Variants in FAT3 observed in about 807,000 individuals in gnomAD.
The protein encoded by FAT3 is FAT atypical cadherin 3.
In FAT3, 95 loss-of-function variants were observed where a neutral mutation model predicts 310.2. That is an observed-to-expected ratio of 0.31 (90% CI 0.26 to 0.36). The LOEUF is 0.36. FAT3 is among the 10% of genes least tolerant of loss of function. The pLI, the probability that FAT3 is intolerant of heterozygous loss-of-function variation, is 1.00. For synonymous variants in FAT3, 2,314 were observed against 2,192.9 expected (o/e 1.06, Z -1.54); for missense variants, 5,408 against 5,715.6 (o/e 0.95, Z 1.74).
At chr11:92,442,772 A>G (rs1951105411) in intron 2 of FAT3, among the ~76,000 whole-genome samples, 1 of 152,120 alleles carries the variant, frequency 6.6e-6, no homozygotes, top group Non-Finnish European at 1.5e-5. Context: ...GACATTGTCT[A>G]TGTCTTGTGT....
intron 3 of FAT3, among the ~76,000 whole-genome samples, chr11:92,572,019 C>T (rs1938184660): frequency 6.6e-6 from 1 of 152,186 alleles, no homozygotes; most frequent in African/African-American, 2.4e-5. Flanking sequence ...TCTTACAGCC[C>T]TGACAGGTGC....
chr11:92,749,497 G>A (rs1486261444), intron 4 of FAT3, among the ~76,000 whole-genome samples: 2 of 152,204 alleles, frequency 1.3e-5, no homozygotes. Context: ...TGGATTGAAC[G>A]AGAATGATAC....
intron 10 of FAT3, 45 bp downstream of exon 10, chr11:92,801,954 A>G: frequency 6.5e-7 from 1 of 1,539,608 alleles, no homozygotes; most frequent in Non-Finnish European, 8.9e-7. Context: ...TGCTTTATAA[A>G]GAAAGATGGA....
At chr11:92,857,803 A>G (rs1353018902) in intron 20 of FAT3, among the ~76,000 whole-genome samples, 1 of 152,148 alleles carries the variant, frequency 6.6e-6, no homozygotes, top group Non-Finnish European at 1.5e-5. Flanking sequence ...CTGGTGAACC[A>G]AGTAAGCAGA....
At chr11:92,359,371 G>A (rs1262690745) in intron 2 of FAT3, among the ~76,000 whole-genome samples, 1 of 152,092 alleles carries the variant, frequency 6.6e-6, no homozygotes, top group Non-Finnish European at 1.5e-5. Context: ...CCTTCCGAAT[G>A]GATAAAAATC....
intron 13 of FAT3, among the ~76,000 whole-genome samples, chr11:92,828,606 A>T (rs1057452900): frequency 6.6e-6 from 1 of 151,432 alleles, no homozygotes; most frequent in Non-Finnish European, 1.5e-5. Flanking sequence ...AGGTGGGGGG[A>T]GTGTGGGTCA....
At chr11:92,576,106 A>G (rs930609042) in intron 3 of FAT3, among the ~76,000 whole-genome samples, 13 of 152,144 alleles carry the variant, frequency 8.5e-5, no homozygotes, top group Non-Finnish European at 1.6e-4. Flanking sequence ...TGGATTCTGA[A>G]ACAGATGCAC....
chr11:92,321,793 C>T (rs141634630), intron 1 of FAT3, among the ~76,000 whole-genome samples: 119 of 152,262 alleles, frequency 7.8e-4, no homozygotes, highest in Non-Finnish European at 1.6e-3. Context: ...CTATTAGTGT[C>T]AGATTAAATC....
chr11:92,853,165 C>T (rs1182096293), intron 19 of FAT3, among the ~76,000 whole-genome samples: 10 of 152,230 alleles, frequency 6.6e-5, no homozygotes, highest in Non-Finnish European at 1.5e-4. Flanking sequence ...CACAGCCAGG[C>T]ATGCTGGCAC....
intron 2 of FAT3, among the ~76,000 whole-genome samples, chr11:92,456,113 C>T (rs1951487047): frequency 6.6e-6 from 1 of 152,166 alleles, no homozygotes; most frequent in Non-Finnish European, 1.5e-5. Context: ...GGCTTTACTA[C>T]TTCTTAGCAG....
chr11:92,661,732 A>T (rs1306991061), intron 3 of FAT3, among the ~76,000 whole-genome samples: 1 of 152,116 alleles, frequency 6.6e-6, no homozygotes, highest in Non-Finnish European at 1.5e-5. Context: ...TGCAAAGAGG[A>T]ATGTTTCAGA....
chr11:92,232,798 G>T (rs1293495763), intron 1 of FAT3, among the ~76,000 whole-genome samples: 1 of 151,938 alleles, frequency 6.6e-6, no homozygotes, highest in African/African-American at 2.4e-5. Context: ...AACAACAATT[G>T]GGAGGTAGAA....
In FAT3 at chr11:92,799,262, C is replaced by T. The variant is rs771364636; in HGVS notation, c.6249C>T (p.Val2083=). ...NIEDINDNSP[V]FVGLPYYAAV... ...AAGACATAAATGACAATTCTCCAGT[C>T]TTTGTGGGCCTCCCATACTATGCTG... Residue 2083 remains valine (V), a synonymous_variant, in exon 10 of 28, where the codon GTC becomes GTT. Transcript: ENST00000525166. 5.6e-6 allele frequency: 9 copies of T among 1,613,762 alleles called. No individual in the cohort carries two copies. Among genetic ancestry groups the T allele is most frequent in the Non-Finnish European group, 7.6e-6 (9 of 1,179,870 alleles).
intron 4 of FAT3, among the ~76,000 whole-genome samples, chr11:92,733,162 G>C (rs183078753): frequency 2.0e-5 from 3 of 152,156 alleles, no homozygotes; most frequent in Non-Finnish European, 4.4e-5. Context: ...AGAAGGCTAC[G>C]TATGCCTTGT....
chr11:92,672,578 AAT>A (rs1170226996), intron 3 of FAT3, among the ~76,000 whole-genome samples: 2 of 152,208 alleles, frequency 1.3e-5, no homozygotes, highest in Non-Finnish European at 2.9e-5. Flanking sequence ...TTGCCAAAAA[AAT>A]ATATCAGTCA....
chr11:92,868,001 C>T (rs1017280166), intron 22 of FAT3, among the ~76,000 whole-genome samples: 1 of 152,016 alleles, frequency 6.6e-6, no homozygotes, highest in East Asian at 1.9e-4. Flanking sequence ...ATAAAAGAAT[C>T]CCTGACTTTA....
At chr11:92,518,881 C>T (rs1489660130) in intron 2 of FAT3, among the ~76,000 whole-genome samples, 1 of 151,872 alleles carries the variant, frequency 6.6e-6, no homozygotes, top group Non-Finnish European at 1.5e-5. Flanking sequence ...TAAAGCATTC[C>T]TTAGAGAAAT....
rs1464204813 is a variant in FAT3, at chr11:92,492,283, C to CCATT, written c.3293-32348_3293-32347insTCAT. Among the ~76,000 whole-genome samples, 128 of 149,100 alleles carry CCATT rather than the reference C, an allele frequency of 8.6e-4. 2 individuals are homozygous for CCATT. The highest frequency in any genetic ancestry group is 3.1e-3 in the African/African-American group (122 of 39,238). ...TCCATCCATCCATCCATCCATCCAT[C>CCATT]CATCCATTCATCCATCCATCCATCC... On this transcript the variant is annotated intron_variant, in intron 2 of 27. Coordinates refer to ENST00000525166, the MANE Select transcript of FAT3 (RefSeq NM_001367949.2).
rs1436731753 is a variant in FAT3 at position 92,836,578 on chromosome 11, G to C, written c.10099G>C (p.Asp3367His). 6.2e-7 allele frequency: 1 copy of C among 1,613,306 alleles called. No homozygotes were observed. Among genetic ancestry groups the C allele is most frequent in the Non-Finnish European group, 8.5e-7 (1 of 1,179,726 alleles). The change falls in exon 16 of 28, where the codon GAT becomes CAT. Residue 3367 changes from aspartate to histidine, a missense_variant. Asp to His is a moderately conservative substitution (Grantham distance 81). Around this residue, in one of 5 missense-constraint regions of FAT3, gnomAD observed 4,588 missense variants for 4,809.8 expected, o/e 0.95. Coordinates refer to ENST00000525166, the MANE Select transcript of FAT3 (RefSeq NM_001367949.2). The stretch of plus-strand genomic sequence containing the variant: ...GTTTTCCATGAAGCTAATAGCAGAA[G>C]ATGTAGACAGCCAGCCCAACGGACA... Reference protein sequence around the residue: ...GDSVILLIAEDVDSQPNGQIH... With the variant: ...GDSVILLIAEHVDSQPNGQIH...
Sources: allele counts gnomAD v4.1 joint callset (sites outside exome capture counted in the v4.1 genomes callset), GRCh38; gene constraint gnomAD v4.1.1; regional missense constraint gnomAD v4.1.1; transcripts MANE v1.5; gene names NCBI Gene and HGNC (gene_info 2026-07-23, HGNC 2026-07-21).